HFM1: variants seen among roughly 807,000 people sequenced by gnomAD.
The protein encoded by HFM1 is probable ATP-dependent DNA helicase HFM1.
Under a neutral mutation model 192.1 loss-of-function variants are expected in HFM1, and 169 were observed. The ratio of observed to expected loss-of-function variants is 0.88; its 90% CI spans 0.78 to 1.00. The LOEUF (loss-of-function observed/expected upper bound fraction) is 1.00, where lower values mean the gene tolerates loss of function less well. Among genes scored for constraint, HFM1 ranks in the 50% least tolerant of loss-of-function variants. The pLI is 0.00. For missense variants in HFM1, 1,661 were observed against 1,668.0 expected, an observed-to-expected ratio of 1.00 and a Z score of 0.07; for synonymous variants, 525 against 537.8, an observed-to-expected ratio of 0.98 and a Z score of 0.33.
At position 91,280,791 on chromosome 1, in the gene HFM1, G is replaced by A. The variant is rs185582255; in HGVS notation, c.3392-3729C>T. Among the ~76,000 whole-genome samples the A allele has an allele frequency of 4.7e-4, 72 of 152,308 alleles. 2 individuals carry two copies. In the East Asian group the frequency reaches 0.013, roughly 27 times the overall value. The stretch of plus-strand genomic sequence containing the variant: ...CCCCCTAGTTTGGTATCATCCTGTG[G>A]AATTGGGGATGTAAGCAGCTAATAC... On this transcript the variant is annotated intron_variant, in intron 30 of 38. Coordinates refer to ENST00000370425, the MANE Select transcript of HFM1 (RefSeq NM_001017975.6).
At position 91,378,159 on chromosome 1, in the gene HFM1, G is replaced by A. The variant is rs756063767; in HGVS notation, c.1261C>T (p.Arg421Cys). 2.5e-6 allele frequency: 4 copies of A among 1,604,842 alleles called. No individual in the cohort carries two copies. Among genetic ancestry groups the A allele is most frequent in the Admixed American group, 1.7e-5 (1 of 58,404 alleles). ...DEVHIVKDENRGPTLEVVVSR... is the reference protein window; with the variant it reads ...DEVHIVKDENCGPTLEVVVSR... ...ACTACAACTTCAAGAGTTGGACCACGATTTTCATCTTTTACAATATGTACC... is the reference window on the plus strand; with the variant it reads ...ACTACAACTTCAAGAGTTGGACCACAATTTTCATCTTTTACAATATGTACC... The change falls in exon 11 of 39, where the codon CGT (arginine) becomes TGT (cysteine). Residue 421 changes from arginine (R) to cysteine (C), a missense_variant. By Grantham distance (180) the Arg-to-Cys change is radical. Coordinates refer to ENST00000370425, the MANE Select transcript of HFM1 (RefSeq NM_001017975.6).
chr1:91,358,508 C>T (rs1178550484), intron 13 of HFM1, among the ~76,000 whole-genome samples: 2 of 151,992 alleles, frequency 1.3e-5, no homozygotes, highest in Non-Finnish European at 2.9e-5. Context: ...CATACACAGT[C>T]AACTAATTTT....
chr1:91,292,553 G>A lies in HFM1; in HGVS notation c.3392-15491C>T, dbSNP rs1296781647. On this transcript the variant is annotated intron_variant, in intron 30 of 38. Transcript: ENST00000370425. ...AACCACTGCTCAAGAAAATAAAAGAGCATACAAACAAATGGAAGAACATTC... is the reference window on the plus strand; with the variant it reads ...AACCACTGCTCAAGAAAATAAAAGAACATACAAACAAATGGAAGAACATTC... Among the ~76,000 whole-genome samples the A allele has an allele frequency of 1.1e-3, 165 of 151,782 alleles. 2 individuals carry two copies. Among genetic ancestry groups the A allele is most frequent in the Non-Finnish European group, 1.1e-3 (73 of 67,982 alleles).
At chr1:91,357,022 A>G (rs796189528) in intron 13 of HFM1, among the ~76,000 whole-genome samples, 64 of 152,342 alleles carry the variant, frequency 4.2e-4, no homozygotes, top group African/African-American at 1.5e-3. Flanking sequence ...ATTCTACCAA[A>G]CATTCAAAGA....
rs1315205379 is a variant in HFM1 at position 91,273,748 on chromosome 1, T to C, written c.3736A>G (p.Lys1246Glu). 1 of 1,600,152 alleles carries C rather than the reference T, an allele frequency of 6.2e-7. No homozygotes were observed. The highest frequency in any genetic ancestry group is 1.1e-5 in the South Asian group (1 of 90,654). Reference protein sequence around the residue: ...EQWDQPEIYGKVRQEPSEYQD... With the variant: ...EQWDQPEIYGEVRQEPSEYQD... ...TATTCAGATGGTTCTTGTCTAACTTTTCCATAGATTTCAGGCTGATCCCAC... is the reference window on the plus strand; with the variant it reads ...TATTCAGATGGTTCTTGTCTAACTTCTCCATAGATTTCAGGCTGATCCCAC... The change falls in exon 34 of 39, where the codon AAA becomes GAA. Residue 1246 changes from lysine to glutamate, a missense_variant. Lys to Glu is a moderately conservative substitution (Grantham distance 56, BLOSUM62 1). Coordinates refer to ENST00000370425, the MANE Select transcript of HFM1 (RefSeq NM_001017975.6).
intron 5 of HFM1, 83 bp downstream of exon 5, chr1:91,385,492 A>G (rs1662085111): frequency 8.6e-7 from 1 of 1,159,096 alleles, no homozygotes; most frequent in Admixed American, 2.3e-5. Flanking sequence ...ACTCAAATTT[A>G]CTATATTTTT....
chr1:91,322,336 T>C (rs545764519), intron 23 of HFM1, among the ~76,000 whole-genome samples: 6 of 152,180 alleles, frequency 3.9e-5, no homozygotes, highest in South Asian at 4.1e-4. Context: ...TTGAGCCACA[T>C]TGAAAAAGAT....
chr1:91,268,431 T>C (rs1260018808), intron 34 of HFM1, among the ~76,000 whole-genome samples: 3 of 151,990 alleles, frequency 2.0e-5, no homozygotes, highest in Non-Finnish European at 2.9e-5. Context: ...ATTACATAAG[T>C]GAAAATTCCA....
intron 2 of HFM1, among the ~76,000 whole-genome samples, chr1:91,396,748 AACAAATT>A (rs1663710270): frequency 6.6e-6 from 1 of 152,242 alleles, no homozygotes; most frequent in African/African-American, 2.4e-5. Flanking sequence ...TATTACAAGT[AACAAATT>A]ACTTGACATA....
intron 2 of HFM1, among the ~76,000 whole-genome samples, chr1:91,399,359 T>C (rs1664040704): frequency 6.6e-6 from 1 of 152,202 alleles, no homozygotes; most frequent in Non-Finnish European, 1.5e-5. Context: ...ATACTCCCTC[T>C]AGATTATACC....
chr1:91,344,340 T>C (rs997949064), intron 19 of HFM1, among the ~76,000 whole-genome samples: 4 of 152,224 alleles, frequency 2.6e-5, no homozygotes, highest in African/African-American at 9.6e-5. Context: ...GGAAATATTT[T>C]AGTTTAAGCA....
At chr1:91,311,750 A>G (rs1445838912) in intron 30 of HFM1, among the ~76,000 whole-genome samples, 1 of 152,208 alleles carries the variant, frequency 6.6e-6, no homozygotes, top group African/African-American at 2.4e-5. Context: ...GCCTAATGTT[A>G]AACCTCAAGA....
chr1:91,311,061 T>C (rs999288293), intron 30 of HFM1, among the ~76,000 whole-genome samples: 2 of 152,070 alleles, frequency 1.3e-5, no homozygotes, highest in Non-Finnish European at 2.9e-5. Flanking sequence ...TCCTAGAGAA[T>C]TGTGGAATGG....
At chr1:91,308,390 C>G (rs1649954381) in intron 30 of HFM1, among the ~76,000 whole-genome samples, 2 of 152,268 alleles carry the variant, frequency 1.3e-5, no homozygotes, top group East Asian at 3.9e-4. Context: ...ACTAGCTCTT[C>G]ATTTCAGATA....
Position 91,373,979 on chromosome 1 carries a change from T to C in HFM1, c.1685+1379A>G, listed in dbSNP as rs148997100. Among the ~76,000 whole-genome samples the C allele has an allele frequency of 2.0e-3, 306 of 152,180 alleles. 3 individuals carry two copies. The highest frequency in any genetic ancestry group is 7.1e-3 in the African/African-American group (295 of 41,522). On this transcript the variant is annotated intron_variant, in intron 13 of 38. Coordinates refer to ENST00000370425, the MANE Select transcript of HFM1 (RefSeq NM_001017975.6). ...AAAATAACTATTAAACAAAAGGATA[T>C]TATAATTATAGTAAGTGCTATGAAA...
At chr1:91,311,388 G>A (rs1367401636) in intron 30 of HFM1, among the ~76,000 whole-genome samples, 2 of 152,138 alleles carry the variant, frequency 1.3e-5, no homozygotes, top group African/African-American at 4.8e-5. Flanking sequence ...CACTTCGGGA[G>A]GCCGAGGCAG....
intron 13 of HFM1, among the ~76,000 whole-genome samples, chr1:91,374,365 A>C (rs1469368930): frequency 6.6e-6 from 1 of 152,202 alleles, no homozygotes. Context: ...TTAGATTTGC[A>C]ATCTTACACA....
intron 13 of HFM1, among the ~76,000 whole-genome samples, chr1:91,374,640 G>A (rs1478522858): frequency 6.6e-6 from 1 of 152,098 alleles, no homozygotes; most frequent in Non-Finnish European, 1.5e-5. Context: ...ATTAAGATGG[G>A]GAACACTGGA....
intron 30 of HFM1, among the ~76,000 whole-genome samples, chr1:91,289,202 G>C (rs1268879815): frequency 1.3e-5 from 2 of 151,078 alleles, no homozygotes; most frequent in Admixed American, 6.6e-5. Context: ...GCGGGGCAGA[G>C]ACACTCCTCA....
Sources: gnomAD v4.1 joint callset for allele counts (sites outside exome capture counted in the v4.1 genomes callset) on GRCh38, gnomAD v4.1.1 for gene constraint, MANE v1.5 for transcripts, NCBI Gene and HGNC (gene_info 2026-07-23, HGNC 2026-07-21) for gene names.